Variants in ZRANB3 observed in about 807,000 individuals in gnomAD.
ZRANB3 encodes the protein DNA annealing helicase and endonuclease ZRANB3.
ZRANB3 carries 125 observed loss-of-function variants against 133.8 expected under a neutral mutation model. That is an observed-to-expected ratio of 0.93 (90% CI 0.81 to 1.08). ZRANB3 has a LOEUF of 1.08. Among genes scored for constraint, ZRANB3 ranks in the 50% least tolerant of loss-of-function variants. ZRANB3 has a pLI of 0.00. For synonymous variants in ZRANB3, 387 were observed against 432.7 expected (o/e 0.89, Z 1.31); for missense variants, 1,229 against 1,275.5 (o/e 0.96, Z 0.56).
chr2:135,391,781 G>A (rs534185184), intron 2 of ZRANB3, among the ~76,000 whole-genome samples: 133 of 151,924 alleles, frequency 8.8e-4, no homozygotes, highest in African/African-American at 1.1e-3. Context: ...GGGTTTCACC[G>A]TGTTAGCTAG....
chr2:135,303,599 G>A (rs1215865995), intron 8 of ZRANB3, among the ~76,000 whole-genome samples: 6 of 152,084 alleles, frequency 3.9e-5, no homozygotes, highest in African/African-American at 1.4e-4. Context: ...TTTATATAAT[G>A]TAGTGTGACT....
chr2:135,480,774 C>T (rs536814643), intron 2 of ZRANB3, among the ~76,000 whole-genome samples: 3,614 of 117,258 alleles, frequency 0.031, 236 homozygotes, highest in African/African-American at 0.12. Flanking sequence ...CTCCCCCCAC[C>T]CGACAACAGT....
chr2:135,318,212 T>TTGTGTGTGTGTGTGTGTG (rs58455313), intron 6 of ZRANB3, among the ~76,000 whole-genome samples: 6 of 136,886 alleles, frequency 4.4e-5, no homozygotes, highest in East Asian at 2.1e-4. Flanking sequence ...ACACACTATT[T>TTGTGTGTGTGTGTGTGTG]TGTGTGTGTG....
At chr2:135,242,940 A>G (rs1262381659) in intron 12 of ZRANB3, among the ~76,000 whole-genome samples, 3 of 151,666 alleles carry the variant, frequency 2.0e-5, no homozygotes, top group Non-Finnish European at 2.9e-5. Context: ...CTGTTTTTAC[A>G]TTTTCTTCAG....
intron 1 of ZRANB3, chr2:135,530,782 C>A (rs981502472): frequency 2.0e-5 from 3 of 152,208 alleles, no homozygotes; most frequent in Non-Finnish European, 4.4e-5. Flanking sequence ...TCAAGTCATT[C>A]AAAACTCTGT....
chr2:135,239,688 G>A (rs571056950), intron 12 of ZRANB3, among the ~76,000 whole-genome samples: 2 of 152,238 alleles, frequency 1.3e-5, no homozygotes, highest in South Asian at 4.1e-4. Context: ...AATGCGTGAG[G>A]GAAATTAAAG....
chr2:135,506,298 A>C (rs1693185963), intron 1 of ZRANB3, among the ~76,000 whole-genome samples: 1 of 152,106 alleles, frequency 6.6e-6, no homozygotes, highest in Non-Finnish European at 1.5e-5. Context: ...GCTGAGGCAC[A>C]ACAATCACTT....
intron 2 of ZRANB3, among the ~76,000 whole-genome samples, chr2:135,482,647 C>A (rs939774144): frequency 6.6e-6 from 1 of 152,152 alleles, no homozygotes; most frequent in Non-Finnish European, 1.5e-5. Context: ...GAACTTCCAA[C>A]ACTATGTTGA....
intron 1 of ZRANB3, among the ~76,000 whole-genome samples, chr2:135,505,828 C>CT (rs1447382067): frequency 6.6e-6 from 1 of 152,034 alleles, no homozygotes; most frequent in East Asian, 1.9e-4. Flanking sequence ...GACGGTTTTT[C>CT]TTTTTTGTTT....
chr2:135,363,703 A>G (rs1379031641), intron 3 of ZRANB3, among the ~76,000 whole-genome samples: 1 of 152,206 alleles, frequency 6.6e-6, no homozygotes, highest in East Asian at 1.9e-4. Flanking sequence ...CCAATCTCCC[A>G]GTTATGCTCT....
At chr2:135,230,967 T>C in intron 12 of ZRANB3, 40 bp from the exon 13 acceptor site, 1 of 1,492,388 alleles carries the variant, frequency 6.7e-7, no homozygotes. Flanking sequence ...TAAGAAGCAA[T>C]CTAATATGTT....
At chr2:135,223,248 TA>T (rs1039297645) in intron 15 of ZRANB3, among the ~76,000 whole-genome samples, 2 of 150,310 alleles carry the variant, frequency 1.3e-5, no homozygotes, top group African/African-American at 2.4e-5. Context: ...GAGACTGTCC[TA>T]AAAAAAACAA....
intron 2 of ZRANB3, among the ~76,000 whole-genome samples, chr2:135,410,468 C>T (rs1235625311): frequency 2.6e-5 from 4 of 152,092 alleles, no homozygotes; most frequent in African/African-American, 9.7e-5. Context: ...TACATATCAC[C>T]ATATATAAAA....
At chr2:135,488,017 T>C (rs967688954) in intron 2 of ZRANB3, among the ~76,000 whole-genome samples, 3 of 152,108 alleles carry the variant, frequency 2.0e-5, no homozygotes, top group African/African-American at 7.2e-5. Flanking sequence ...TGATTTAAAG[T>C]GAGAGATGTA....
At chr2:135,494,030 C>T (rs756276563) in intron 2 of ZRANB3, among the ~76,000 whole-genome samples, 5 of 150,768 alleles carry the variant, frequency 3.3e-5, no homozygotes, top group Non-Finnish European at 4.4e-5. Context: ...ACTAAGATAC[C>T]ATACAGTAAG....
In ZRANB3 at chr2:135,483,959, G is replaced by A. The variant is rs573699044; in HGVS notation, c.161+20370C>T. ...CTTAATCCTGAGTTCTAGTTTGATTGCACTGTGGTCTGAGAGAGAGTTTGT... is the reference window on the plus strand; with the variant it reads ...CTTAATCCTGAGTTCTAGTTTGATTACACTGTGGTCTGAGAGAGAGTTTGT... On this transcript the variant is annotated intron_variant, in intron 2 of 20. Transcript: ENST00000264159. Among the ~76,000 whole-genome samples, 14 of 152,296 alleles carry A rather than the reference G, an allele frequency of 9.2e-5. No homozygotes were observed. In the East Asian group the frequency reaches 2.3e-3, roughly 25 times the overall value.
chr2:135,481,013 A>G (rs1201571153), intron 2 of ZRANB3, among the ~76,000 whole-genome samples: 1 of 151,810 alleles, frequency 6.6e-6, no homozygotes, highest in Non-Finnish European at 1.5e-5. Context: ...CCAGTCTATC[A>G]TTGTTGGACA....
At chr2:135,418,506 T>C (rs149279198) in intron 2 of ZRANB3, among the ~76,000 whole-genome samples, 61 of 152,300 alleles carry the variant, frequency 4.0e-4, no homozygotes, top group Non-Finnish European at 6.5e-4. Context: ...TCAACATGCA[T>C]TGTATGTCAT....
At chr2:135,200,636 T>C (rs1180762654) in intron 20 of ZRANB3, among the ~76,000 whole-genome samples, 196 bp from the exon 21 acceptor site, 1 of 151,906 alleles carries the variant, frequency 6.6e-6, no homozygotes, top group Non-Finnish European at 1.5e-5. Context: ...CCTAGGTTCA[T>C]AGGACCAACA....
Sources: gnomAD v4.1 joint callset for allele counts (sites outside exome capture counted in the v4.1 genomes callset) on GRCh38, gnomAD v4.1.1 for gene constraint, MANE v1.5 for transcripts, NCBI Gene and HGNC (gene_info 2026-07-23, HGNC 2026-07-21) for gene names.